MYO3B: variants seen among roughly 807,000 people sequenced by gnomAD.
MYO3B encodes the protein myosin-IIIb.
A neutral mutation model predicts 174.6 loss-of-function variants in MYO3B; 156 were observed. That is an observed-to-expected ratio of 0.89 (90% CI 0.78 to 1.02). The LOEUF (loss-of-function observed/expected upper bound fraction) is 1.02. Ranked by LOEUF, MYO3B falls within the 50% of genes least tolerant of loss-of-function variation. The probability of loss-of-function intolerance (pLI) is 0.00; values close to 1 mark genes in which losing one functional copy is unlikely to be tolerated. For synonymous variants in MYO3B, 563 were observed against 569.1 expected, an observed-to-expected ratio of 0.99 and a Z score of 0.15; for missense variants, 1,632 against 1,639.4, an observed-to-expected ratio of 1.00 and a Z score of 0.08.
At chr2:170,228,960 C>CAAAAAAAAAAAAA (rs539746576) in intron 6 of MYO3B, among the ~76,000 whole-genome samples, 1 of 98,324 alleles carries the variant, frequency 1.0e-5, no homozygotes. Context: ...ATTCCCTTTA[C>CAAAAAAAAAAAAA]AAAAAAAAAA....
intron 30 of MYO3B, among the ~76,000 whole-genome samples, chr2:170,540,318 T>A (rs1338069135): frequency 6.6e-6 from 1 of 151,946 alleles, no homozygotes; most frequent in Non-Finnish European, 1.5e-5. Flanking sequence ...AGTGCGATTC[T>A]ATCTCAAAAA....
At chr2:170,470,996 T>A (rs1014435688) in intron 25 of MYO3B, among the ~76,000 whole-genome samples, 3 of 152,118 alleles carry the variant, frequency 2.0e-5, no homozygotes, top group African/African-American at 7.2e-5. Context: ...CTCTCTTTTT[T>A]TTTTAATGAG....
At position 170,310,665 on chromosome 2, in the gene MYO3B, C is replaced by CAAA. The variant is rs746315736; in HGVS notation, c.750-24700_750-24698dup. ...GGGCGACAAGAGCAAGACTCCATCT[C>CAAA]AAAAAAAAAAAAAAAAAAAAAAGAA... On this transcript the variant is annotated intron_variant, in intron 7 of 34. Transcript: ENST00000408978. Among the ~76,000 whole-genome samples, 37 of 61,440 alleles carry CAAA rather than the reference C, an allele frequency of 6.0e-4. 7 individuals are homozygous for CAAA. The highest frequency in any genetic ancestry group is 1.9e-3 in the South Asian group (2 of 1,080). 40.3% of individuals were successfully genotyped at this position (61,440 alleles called of 152,430 possible).
chr2:170,219,147 G>A (rs747536507), intron 6 of MYO3B, among the ~76,000 whole-genome samples: 14 of 152,298 alleles, frequency 9.2e-5, no homozygotes, highest in Non-Finnish European at 1.8e-4. Flanking sequence ...TAGCTCTGCT[G>A]GGAAACATTC....
intron 6 of MYO3B, 85 bp from the exon 7 acceptor site, chr2:170,235,906 C>T (rs112554821): frequency 9.7e-6 from 15 of 1,541,820 alleles, no homozygotes; most frequent in East Asian, 6.8e-5. Context: ...AAACTGAGAA[C>T]GGGGCTAAGA....
chr2:170,414,156 C>T (rs558302520), intron 22 of MYO3B, among the ~76,000 whole-genome samples: 2 of 152,290 alleles, frequency 1.3e-5, no homozygotes, highest in East Asian at 3.9e-4. Flanking sequence ...AACTATCTCC[C>T]TCTTCACCAA....
chr2:170,539,643 G>A (rs748701440), intron 30 of MYO3B, among the ~76,000 whole-genome samples: 26 of 151,420 alleles, frequency 1.7e-4, no homozygotes, highest in Non-Finnish European at 2.9e-4. Flanking sequence ...TTTTGAGATA[G>A]GGTCTCACTC....
chr2:170,388,601 T>A (rs2094391925), intron 14 of MYO3B, among the ~76,000 whole-genome samples: 1 of 152,144 alleles, frequency 6.6e-6, no homozygotes, highest in African/African-American at 2.4e-5. Context: ...ATACCCAACT[T>A]TCATTTTGAG....
chr2:170,543,211 T>A (rs941473621), intron 31 of MYO3B, among the ~76,000 whole-genome samples: 1 of 152,214 alleles, frequency 6.6e-6, no homozygotes, highest in Non-Finnish European at 1.5e-5. Flanking sequence ...GAATAAATGT[T>A]AGCTGCTCCC....
intron 30 of MYO3B, among the ~76,000 whole-genome samples, chr2:170,527,187 G>T (rs55932200): frequency 6.6e-6 from 1 of 152,298 alleles, no homozygotes; most frequent in Non-Finnish European, 1.5e-5. Context: ...AGGATATGCA[G>T]AGCCATTCTT....
At chr2:170,182,581 A>G (rs985782582) in intron 1 of MYO3B, among the ~76,000 whole-genome samples, 17 of 143,826 alleles carry the variant, frequency 1.2e-4, no homozygotes, top group Non-Finnish European at 6.2e-5. Context: ...CTTTTTTAAA[A>G]TTTTCATGTT....
intron 22 of MYO3B, among the ~76,000 whole-genome samples, chr2:170,431,877 A>G (rs1347941452): frequency 2.0e-5 from 3 of 152,258 alleles, no homozygotes; most frequent in Non-Finnish European, 4.4e-5. Context: ...AGTCAATGAC[A>G]GACCACATAT....
At chr2:170,342,662 T>C (rs1574818515) in intron 8 of MYO3B, among the ~76,000 whole-genome samples, 1 of 152,164 alleles carries the variant, frequency 6.6e-6, no homozygotes, top group South Asian at 2.1e-4. Context: ...ATAATTAACA[T>C]ATATAACTCT....
chr2:170,327,638 T>G (rs2093878556), intron 7 of MYO3B, among the ~76,000 whole-genome samples: 1 of 152,080 alleles, frequency 6.6e-6, no homozygotes, highest in Non-Finnish European at 1.5e-5. Context: ...TTCCCTACTT[T>G]AAGGGATTGA....
At chr2:170,386,437 C>A (rs776360889) in intron 13 of MYO3B, among the ~76,000 whole-genome samples, 165 bp downstream of exon 13, 1 of 152,202 alleles carries the variant, frequency 6.6e-6, no homozygotes. Flanking sequence ...AAGATGTCAG[C>A]ATGCTATCCT....
At chr2:170,215,573 G>T (rs1468280115) in intron 5 of MYO3B, among the ~76,000 whole-genome samples, 1 of 151,826 alleles carries the variant, frequency 6.6e-6, no homozygotes, top group South Asian at 2.1e-4. Flanking sequence ...TTTTTTAAAA[G>T]AATATTTATT....
intron 32 of MYO3B, among the ~76,000 whole-genome samples, chr2:170,630,426 C>T (rs536331149): frequency 2.0e-5 from 3 of 152,312 alleles, no homozygotes; most frequent in Admixed American, 1.3e-4. Context: ...CCCACCGCAG[C>T]TCAACGAGGC....
intron 32 of MYO3B, among the ~76,000 whole-genome samples, chr2:170,622,436 TA>T (rs1204666564): frequency 2.0e-5 from 3 of 152,148 alleles, no homozygotes; most frequent in African/African-American, 7.2e-5. Flanking sequence ...AGTAAAAACT[TA>T]AAACAATACA....
chr2:170,502,738 A>C (rs916510928), intron 28 of MYO3B, among the ~76,000 whole-genome samples: 1 of 152,228 alleles, frequency 6.6e-6, no homozygotes, highest in Non-Finnish European at 1.5e-5. Context: ...CCAGGCTGGT[A>C]GACTCAGCAG....
Sources: allele counts gnomAD v4.1 joint callset (sites outside exome capture counted in the v4.1 genomes callset), GRCh38; gene constraint gnomAD v4.1.1; transcripts MANE v1.5; gene names NCBI Gene and HGNC (gene_info 2026-07-23, HGNC 2026-07-21).